PTPRT: variants seen among roughly 807,000 people sequenced by gnomAD.
The protein encoded by PTPRT is protein tyrosine phosphatase receptor type T, also known as receptor-type tyrosine-protein phosphatase T.
In PTPRT, 56 loss-of-function variants were observed where a neutral mutation model predicts 176.8. The observed-to-expected ratio is 0.32, with a 90% CI of 0.26 to 0.40. The LOEUF (loss-of-function observed/expected upper bound fraction) is 0.40, where lower values mean the gene tolerates loss of function less well. PTPRT is among the 10% of genes least tolerant of loss of function. PTPRT has a pLI of 1.00. For missense variants in PTPRT, 1,540 were observed against 1,908.2 expected (o/e 0.81, Z 3.60); for synonymous variants, 783 against 739.0 (o/e 1.06, Z -0.96).
intron 7 of PTPRT, among the ~76,000 whole-genome samples, chr20:42,485,412 A>ACT (rs1272891645): frequency 6.6e-6 from 1 of 152,220 alleles, no homozygotes; most frequent in African/African-American, 2.4e-5. Context: ...TAAACATTCT[A>ACT]ACACTTTACT....
At chr20:42,792,937 T>C (rs115646919) in intron 2 of PTPRT, among the ~76,000 whole-genome samples, 1,677 of 152,300 alleles carry the variant, frequency 0.011, 35 homozygotes, top group African/African-American at 0.039. Context: ...CACGTTATTA[T>C]TCACAAAGTA....
chr20:42,879,403 C>T (rs1319705294), intron 2 of PTPRT, among the ~76,000 whole-genome samples: 1 of 152,168 alleles, frequency 6.6e-6, no homozygotes, highest in Admixed American at 6.5e-5. Flanking sequence ...CTGCATGTGG[C>T]CTCCTTCCCT....
chr20:42,768,690 G>A (rs141285349), intron 5 of PTPRT, among the ~76,000 whole-genome samples: 12 of 152,246 alleles, frequency 7.9e-5, no homozygotes, highest in African/African-American at 2.6e-4. Context: ...CTTCTATCTG[G>A]TGTTGTCCCA....
chr20:42,940,143 T>A (rs1038341188), intron 1 of PTPRT, among the ~76,000 whole-genome samples: 3 of 152,232 alleles, frequency 2.0e-5, no homozygotes, highest in Non-Finnish European at 4.4e-5. Flanking sequence ...AGGCTCGAAG[T>A]CATTAAAGTA....
chr20:42,388,885 T>A (rs1221692576), intron 9 of PTPRT, among the ~76,000 whole-genome samples: 3 of 152,146 alleles, frequency 2.0e-5, no homozygotes, highest in Non-Finnish European at 2.9e-5. Context: ...CAAATGTCCA[T>A]CAATGATAGA....
intron 9 of PTPRT, among the ~76,000 whole-genome samples, chr20:42,416,536 G>A (rs946604201): frequency 8.5e-5 from 13 of 152,086 alleles, no homozygotes; most frequent in African/African-American, 2.7e-4. Flanking sequence ...TACCTCCAAG[G>A]ACCGACTGGC....
At chr20:42,411,462 A>G (rs900070936) in intron 9 of PTPRT, among the ~76,000 whole-genome samples, 2 of 147,298 alleles carry the variant, frequency 1.4e-5, no homozygotes, top group Admixed American at 1.4e-4. Flanking sequence ...GGTTGTAGTG[A>G]GCCGAGATCG....
intron 15 of PTPRT, among the ~76,000 whole-genome samples, chr20:42,205,851 C>T (rs2055445150): frequency 6.6e-6 from 1 of 152,188 alleles, no homozygotes; most frequent in Admixed American, 6.5e-5. Flanking sequence ...TGAGGCCCTG[C>T]TTCTACTAAA....
chr20:42,602,472 C>T (rs2073798879), intron 7 of PTPRT, among the ~76,000 whole-genome samples: 1 of 152,118 alleles, frequency 6.6e-6, no homozygotes, highest in African/African-American at 2.4e-5. Context: ...ACTGGTCAAA[C>T]GGCTTTCTAT....
intron 1 of PTPRT, among the ~76,000 whole-genome samples, chr20:43,132,301 TA>T (rs1391353874): frequency 1.3e-5 from 2 of 152,204 alleles, no homozygotes; most frequent in Middle Eastern, 3.4e-3. Context: ...AGGTGGATTT[TA>T]AAAAAACATA....
chr20:42,331,376 T>C (rs1422183146), intron 11 of PTPRT, among the ~76,000 whole-genome samples: 2 of 151,874 alleles, frequency 1.3e-5, no homozygotes, highest in Admixed American at 6.6e-5. Flanking sequence ...ACAAAGACAT[T>C]TGCTTAAGGA....
intron 17 of PTPRT, among the ~76,000 whole-genome samples, chr20:42,150,976 A>G (rs1989102690): frequency 6.6e-6 from 1 of 152,162 alleles, no homozygotes; most frequent in African/African-American, 2.4e-5. Context: ...CCGATACAAT[A>G]CCCATAGCAC....
intron 12 of PTPRT, among the ~76,000 whole-genome samples, chr20:42,310,385 G>T (rs533745195): frequency 6.6e-6 from 1 of 152,176 alleles, no homozygotes; most frequent in Admixed American, 6.5e-5. Flanking sequence ...CCAGAGGAGG[G>T]TAGTTGGTAC....
intron 1 of PTPRT, among the ~76,000 whole-genome samples, chr20:43,091,459 T>C (rs1020218359): frequency 2.2e-4 from 33 of 146,868 alleles, no homozygotes; most frequent in East Asian, 1.2e-3. Flanking sequence ...TCTCTCTCTC[T>C]CCCCCCTCTC....
chr20:43,111,546 GAAAAAAAAAAAAA>G (rs11424029), intron 1 of PTPRT, among the ~76,000 whole-genome samples: 1 of 83,448 alleles, frequency 1.2e-5, no homozygotes, highest in African/African-American at 4.4e-5. Context: ...TCCGTCTCAG[GAAAAAAAAAAAAA>G]AAAAAAAAAA....
intron 2 of PTPRT, among the ~76,000 whole-genome samples, chr20:42,818,208 C>T (rs1234064210): frequency 6.6e-6 from 1 of 152,094 alleles, no homozygotes; most frequent in African/African-American, 2.4e-5. Flanking sequence ...TGAGTGACAT[C>T]TCCAGGCACA....
At position 42,115,239 on chromosome 20, in the gene PTPRT, G is replaced by C. The variant is rs1987216228; in HGVS notation, c.3059C>G (p.Pro1020Arg). ...DIKVTLIETEPLAEYVIRTFT... is the reference protein window; with the variant it reads ...DIKVTLIETERLAEYVIRTFT... ...GGTGCGTATGACGTATTCTGCCAGG[G>C]GCTCTGTTTCAATCAGGGTGACTTT... Residue 1020 changes from proline (P) to arginine (R), a missense_variant, in exon 22 of 31, where the codon CCC becomes CGC. By Grantham distance (103) the Pro-to-Arg change is moderately radical (BLOSUM62 -2). Coordinates refer to ENST00000373187, the MANE Select transcript of PTPRT (RefSeq NM_007050.6). 6.2e-7 allele frequency: 1 copy of C among 1,614,098 alleles called. No homozygotes were observed. The highest frequency in any genetic ancestry group is 8.5e-7 in the Non-Finnish European group (1 of 1,179,992).
At chr20:42,647,842 ACTT>A (rs1314010063) in intron 7 of PTPRT, among the ~76,000 whole-genome samples, 5 of 152,192 alleles carry the variant, frequency 3.3e-5, no homozygotes, top group South Asian at 2.1e-4. Flanking sequence ...GGTTATCCTG[ACTT>A]CTTCTTTTAT....
At chr20:42,683,187 A>G (rs546308010) in intron 6 of PTPRT, among the ~76,000 whole-genome samples, 2 of 152,214 alleles carry the variant, frequency 1.3e-5, no homozygotes, top group Non-Finnish European at 2.9e-5. Flanking sequence ...ATACACAGAC[A>G]GAAACACGGT....
Sources: allele counts gnomAD v4.1 joint callset (sites outside exome capture counted in the v4.1 genomes callset), GRCh38; gene constraint gnomAD v4.1.1; transcripts MANE v1.5; gene names NCBI Gene and HGNC (gene_info 2026-07-23, HGNC 2026-07-21).